Variants in ZNF141 observed in about 807,000 individuals in gnomAD.
The protein encoded by ZNF141 is zinc finger protein 141.
A neutral mutation model predicts 11.3 loss-of-function variants in ZNF141; 7 were observed. The ratio of observed to expected loss-of-function variants is 0.62; its 90% CI spans 0.35 to 1.16. The LOEUF is 1.16. ZNF141 is among the 50% of genes most tolerant of loss of function. ZNF141 has a pLI of 0.02. For synonymous variants in ZNF141, 183 were observed against 190.7 expected (o/e 0.96, Z 0.33); for missense variants, 535 against 554.0 (o/e 0.97, Z 0.34).
chr4:345,430 T>G (rs1435133167), intron 3 of ZNF141, among the ~76,000 whole-genome samples: 3 of 152,212 alleles, frequency 2.0e-5, no homozygotes, highest in African/African-American at 7.2e-5. Context: ...TTGGCTTCCC[T>G]GGGCCACATT....
chr4:356,995 C>T (rs996481292), intron 3 of ZNF141, among the ~76,000 whole-genome samples: 1 of 151,976 alleles, frequency 6.6e-6, no homozygotes, highest in African/African-American at 2.4e-5. Flanking sequence ...TACTTTGTTA[C>T]TCAGGCTATA....
chr4:375,151 G>C lies in ZNF141; in HGVS notation c.*1289G>C, dbSNP rs1273691715. 6.6e-6 allele frequency: 1 copy of C among 152,154 alleles called. No individual in the cohort carries two copies. The allele number at this position is 152,154 out of a possible 1,614,324, so 9.4% of individuals were successfully genotyped here. The stretch of plus-strand genomic sequence containing the variant: ...ATATCTCCTCACATTTTACTAACTA[G>C]CAATGTTCATACTTAATAAAAACAT... On this transcript the variant is annotated 3_prime_UTR_variant, in exon 4 of 4. Transcript: ENST00000240499.
intron 1 of ZNF141, chr4:338,398 T>A (rs1581573064): frequency 5.5e-6 from 1 of 182,606 alleles, no homozygotes; most frequent in Non-Finnish European, 1.2e-5. Flanking sequence ...GACTCATTAA[T>A]GGGACAGCGC....
intron 3 of ZNF141, among the ~76,000 whole-genome samples, chr4:367,376 ACTTT>A (rs1553853033): frequency 6.6e-6 from 1 of 152,000 alleles, no homozygotes; most frequent in Non-Finnish European, 1.5e-5. Flanking sequence ...TCCTAATTTT[ACTTT>A]CTATTTATTT....
intron 3 of ZNF141, among the ~76,000 whole-genome samples, chr4:362,441 G>A (rs72805135): frequency 0.15 from 22,116 of 152,178 alleles, 2,214 homozygotes; most frequent in African/African-American, 0.28. Flanking sequence ...TTTTAGTCAT[G>A]AAGTACTTGC....
intron 3 of ZNF141, among the ~76,000 whole-genome samples, chr4:361,536 C>A (rs1336015979): frequency 2.0e-5 from 3 of 151,976 alleles, no homozygotes; most frequent in African/African-American, 7.3e-5. Context: ...CCCCGCCCAA[C>A]CCCACGACAG....
In ZNF141 at chr4:382,335, G is replaced by C. The variant is rs1380376195; in HGVS notation, c.*8473G>C. 6.6e-6 allele frequency among the ~76,000 whole-genome samples: 1 copy of C among 152,004 alleles called. No individual in the cohort carries two copies. Among genetic ancestry groups the C allele is most frequent in the Non-Finnish European group, 1.5e-5 (1 of 68,014 alleles). On this transcript the variant is annotated 3_prime_UTR_variant, in exon 4 of 4. Coordinates refer to ENST00000240499, the MANE Select transcript of ZNF141 (RefSeq NM_003441.4). ...GTCTTAGAAAACATCTTGTCCCTTC[G>C]AAGCATACTCTGCTGGTTGGCTAAA...
rs1712265372 is a variant in ZNF141, at chr4:374,507, G to A, written c.*645G>A. 2.9e-5 allele frequency: 6 copies of A among 210,398 alleles called. 1 individual carries two copies. Among genetic ancestry groups the A allele is most frequent in the South Asian group, 1.6e-4 (2 of 12,224 alleles). The allele number at this position is 210,398 out of a possible 1,614,324, so 13.0% of individuals were successfully genotyped here. A position where few individuals can be genotyped will look rare whatever the true frequency, so the allele number is the denominator to read the frequency against. On this transcript the variant is annotated 3_prime_UTR_variant, in exon 4 of 4. Coordinates refer to ENST00000240499, the MANE Select transcript of ZNF141 (RefSeq NM_003441.4). ...TCAATAGGTTCTCAACCCTTACTGT[G>A]CACAAGATAATTCATTCTGGGGAAA...
chr4:340,161 G>A (rs1553848201), intron 1 of ZNF141, among the ~76,000 whole-genome samples: 1 of 152,166 alleles, frequency 6.6e-6, no homozygotes, highest in Non-Finnish European at 1.5e-5. Flanking sequence ...TTTTCCACAC[G>A]CTGTCAAGAA....
At position 381,946 on chromosome 4, in the gene ZNF141, C is replaced by CT. The variant is rs34905613; in HGVS notation, c.*8103dup. Among the ~76,000 whole-genome samples the CT allele has an allele frequency of 0.047, 4,984 of 105,900 alleles. 626 individuals carry two copies. Among genetic ancestry groups the CT allele is most frequent in the African/African-American group, 0.17 (3,836 of 22,430 alleles). The allele number at this position is 105,900 out of a possible 152,430, so 69.5% of individuals were successfully genotyped here. A position where few individuals can be genotyped will look rare whatever the true frequency, so the allele number is the denominator to read the frequency against. On this transcript the variant is annotated 3_prime_UTR_variant, in exon 4 of 4. Transcript: ENST00000240499. ...CTAGGGCCACCACCATCTCTGGGAA[C>CT]TTTTTTTTTTTTTTTTTTTGAGACG...
At chr4:344,787 C>T (rs1426505608) in intron 3 of ZNF141, among the ~76,000 whole-genome samples, 3 of 151,898 alleles carry the variant, frequency 2.0e-5, no homozygotes, top group African/African-American at 7.3e-5. Flanking sequence ...AGTTAGACTC[C>T]GTCTCAAAAA....
chr4:360,692 T>C (rs1019782767), intron 3 of ZNF141, among the ~76,000 whole-genome samples: 19 of 152,146 alleles, frequency 1.2e-4, no homozygotes, highest in Non-Finnish European at 4.4e-5. Flanking sequence ...TTAATTCCAA[T>C]AAAAATCATT....
rs371682136 is a variant in ZNF141 at position 343,024 on chromosome 4, A to G, written c.4-758A>G. Reference sequence around the variant, plus strand: ...AAGTATTAAAAAAGTTCCTTGCATGATTAAAAAAGTATTAAAAAAGTTCCT... The same window carrying G: ...AAGTATTAAAAAAGTTCCTTGCATGGTTAAAAAAGTATTAAAAAAGTTCCT... On this transcript the variant is annotated intron_variant, in intron 1 of 3. Coordinates refer to ENST00000240499, the MANE Select transcript of ZNF141 (RefSeq NM_003441.4). 2.6e-5 allele frequency: 13 copies of G among 493,264 alleles called. No homozygotes were observed. The Admixed American group carries it at 2.8e-4, about 11-fold the overall frequency. 30.6% of individuals were successfully genotyped at this position (493,264 alleles called of 1,614,324 possible).
At chr4:340,515 C>T (rs797034491) in intron 1 of ZNF141, among the ~76,000 whole-genome samples, 5 of 152,176 alleles carry the variant, frequency 3.3e-5, no homozygotes, top group African/African-American at 7.2e-5. Flanking sequence ...TGAGAACTTC[C>T]ATTCTCTCCC....
intron 3 of ZNF141, among the ~76,000 whole-genome samples, chr4:362,963 T>G (rs1349815676): frequency 6.6e-6 from 1 of 152,220 alleles, no homozygotes; most frequent in African/African-American, 2.4e-5. Context: ...ATAAATTACC[T>G]TGGGCAGTAT....
intron 3 of ZNF141, among the ~76,000 whole-genome samples, chr4:362,761 T>C (rs1553852399): frequency 6.6e-6 from 1 of 152,244 alleles, no homozygotes; most frequent in African/African-American, 2.4e-5. Context: ...ACCAGTACCA[T>C]GCTGTTTTGG....
In ZNF141 at chr4:343,980, C is replaced by G. The variant is rs79176412; in HGVS notation, c.130+72C>G. 1,308 of 1,545,918 alleles carry G rather than the reference C, an allele frequency of 8.5e-4. 24 individuals are homozygous for G. In the East Asian group the frequency reaches 0.027, roughly 32 times the overall value. On this transcript the variant is annotated intron_variant, in intron 2 of 3. Transcript: ENST00000240499. ...ATTTTATTCCTTTGAAGAATTTCTC[C>G]TGGGAACTTTTATGTTTTATCTTTA...
chr4:357,561 G>A (rs1204988815), intron 3 of ZNF141, among the ~76,000 whole-genome samples: 7 of 151,720 alleles, frequency 4.6e-5, no homozygotes, highest in African/African-American at 1.7e-4. Flanking sequence ...TCCAAGATTG[G>A]GAAAATTTAA....
chr4:348,695 C>T (rs1721453182), intron 3 of ZNF141, among the ~76,000 whole-genome samples: 1 of 150,738 alleles, frequency 6.6e-6, no homozygotes, highest in African/African-American at 2.4e-5. Flanking sequence ...TGCCACTGCA[C>T]TCCAGCCTGG....
Sources: allele counts gnomAD v4.1 joint callset (sites outside exome capture counted in the v4.1 genomes callset), GRCh38; gene constraint gnomAD v4.1.1; transcripts MANE v1.5; gene names NCBI Gene and HGNC (gene_info 2026-07-23, HGNC 2026-07-21).